Variants in LIPI observed in about 807,000 individuals in gnomAD.
LIPI encodes lipase I.
In LIPI, 59 loss-of-function variants were observed where a neutral mutation model predicts 50.6. The observed-to-expected ratio is 1.16, with a 90% confidence interval of 0.94 to 1.45. The LOEUF (loss-of-function observed/expected upper bound fraction) is 1.45. LIPI is among the 40% of genes most tolerant of loss of function. The probability of loss-of-function intolerance (pLI) is 0.00; values close to 1 mark genes in which losing one functional copy is unlikely to be tolerated. For missense variants in LIPI, 586 were observed against 536.3 expected, an observed-to-expected ratio of 1.09 and a Z score of -0.92; for synonymous variants, 203 against 178.2, an observed-to-expected ratio of 1.14 and a Z score of -1.11.
chr21:14,187,198 C>T (rs2019485586), intron 2 of LIPI, among the ~76,000 whole-genome samples: 1 of 152,138 alleles, frequency 6.6e-6, no homozygotes, highest in Non-Finnish European at 1.5e-5. Flanking sequence ...CTGAATACCT[C>T]TTAGTCTCAG....
At chr21:14,197,501 C>T (rs1233695841) in intron 1 of LIPI, among the ~76,000 whole-genome samples, 1 of 151,684 alleles carries the variant, frequency 6.6e-6, no homozygotes, top group African/African-American at 2.4e-5. Flanking sequence ...GCAGAATAGA[C>T]CAAGCAGAGG....
At chr21:14,146,904 G>A (rs1178865265) in intron 8 of LIPI, among the ~76,000 whole-genome samples, 5 of 149,026 alleles carry the variant, frequency 3.4e-5, no homozygotes, top group African/African-American at 7.4e-5. Flanking sequence ...TCAGCTTCCT[G>A]AGCAGCTGGG....
chr21:14,153,315 A>G (rs907384718), intron 7 of LIPI, among the ~76,000 whole-genome samples: 1 of 152,104 alleles, frequency 6.6e-6, no homozygotes, highest in Non-Finnish European at 1.5e-5. Context: ...CCCTTCTAGA[A>G]CAGAACGGAT....
At chr21:14,118,322 G>A (rs112114513) in intron 9 of LIPI, among the ~76,000 whole-genome samples, 2 of 152,108 alleles carry the variant, frequency 1.3e-5, no homozygotes, top group East Asian at 1.9e-4. Context: ...CTGAACACTC[G>A]GTTGTGACTC....
At chr21:14,150,000 A>G (rs2018034875) in intron 8 of LIPI, among the ~76,000 whole-genome samples, 1 of 152,168 alleles carries the variant, frequency 6.6e-6, no homozygotes, top group African/African-American at 2.4e-5. Context: ...GCAGTGCCCC[A>G]GTGGGAACTC....
intron 7 of LIPI, among the ~76,000 whole-genome samples, chr21:14,156,303 AAAGAGG>A (rs531352108): frequency 2.6e-4 from 40 of 152,026 alleles, no homozygotes; most frequent in African/African-American, 4.3e-4. Flanking sequence ...AGGGGCCTTA[AAAGAGG>A]AAGAGGAAGA....
At chr21:14,210,361 TTTTG>T (rs536322752) in intron 1 of LIPI, among the ~76,000 whole-genome samples, 167 of 152,256 alleles carry the variant, frequency 1.1e-3, no homozygotes, top group African/African-American at 3.7e-3. Flanking sequence ...TATCTGGTTA[TTTTG>T]TTTGTTTTGC....
At chr21:14,152,913 C>A in intron 7 of LIPI, among the ~76,000 whole-genome samples, 1 of 152,006 alleles carries the variant, frequency 6.6e-6, no homozygotes, top group Non-Finnish European at 1.5e-5. Flanking sequence ...AAAAAGCCTG[C>A]CAGCCAGTAA....
chr21:14,148,198 G>A (rs2017972105), intron 8 of LIPI, among the ~76,000 whole-genome samples: 1 of 152,130 alleles, frequency 6.6e-6, no homozygotes, highest in South Asian at 2.1e-4. Context: ...ACAAGAAGGA[G>A]GAAGGGGAAG....
intron 9 of LIPI, among the ~76,000 whole-genome samples, chr21:14,129,962 C>T (rs948716709): frequency 1.3e-5 from 2 of 152,100 alleles, no homozygotes; most frequent in African/African-American, 2.4e-5. Context: ...CACTTCTCAA[C>T]ATTTCTCTGA....
At chr21:14,129,993 G>A (rs2017226180) in intron 9 of LIPI, among the ~76,000 whole-genome samples, 1 of 152,018 alleles carries the variant, frequency 6.6e-6, no homozygotes, top group Non-Finnish European at 1.5e-5. Context: ...CATCATTTGA[G>A]GACCAAGGAA....
At chr21:14,185,178 T>G (rs1205487637) in intron 3 of LIPI, among the ~76,000 whole-genome samples, 1 of 152,200 alleles carries the variant, frequency 6.6e-6, no homozygotes, top group Non-Finnish European at 1.5e-5. Flanking sequence ...GCTTCCTGGA[T>G]GCAGTAACTT....
chr21:14,120,312 A>G (rs930095790), intron 9 of LIPI, among the ~76,000 whole-genome samples: 3 of 152,230 alleles, frequency 2.0e-5, no homozygotes, highest in Non-Finnish European at 4.4e-5. Flanking sequence ...CACAGAAGGC[A>G]GAATAGCTCT....
At chr21:14,116,343 T>G (rs1261936192) in intron 9 of LIPI, among the ~76,000 whole-genome samples, 4 of 152,054 alleles carry the variant, frequency 2.6e-5, no homozygotes, top group Non-Finnish European at 4.4e-5. Context: ...CCGACAGGAT[T>G]AGTTTCATAG....
intron 9 of LIPI, among the ~76,000 whole-genome samples, chr21:14,118,113 C>G (rs1029540817): frequency 6.6e-6 from 1 of 151,980 alleles, no homozygotes; most frequent in Non-Finnish European, 1.5e-5. Flanking sequence ...CAACCAGAGA[C>G]AGAATGACTG....
intron 9 of LIPI, among the ~76,000 whole-genome samples, chr21:14,135,526 A>G (rs374873617): frequency 2.0e-5 from 3 of 152,272 alleles, no homozygotes; most frequent in East Asian, 3.9e-4. Context: ...ATTGAGAGGC[A>G]TTGAATTCTG....
intron 4 of LIPI, among the ~76,000 whole-genome samples, chr21:14,172,734 G>C (rs1178244277): frequency 6.6e-6 from 1 of 151,418 alleles, no homozygotes; most frequent in Non-Finnish European, 1.5e-5. Flanking sequence ...GGGAAGGGGG[G>C]AGGGATAGCA....
At chr21:14,197,375 T>C (rs1355107169) in intron 1 of LIPI, among the ~76,000 whole-genome samples, 1 of 152,092 alleles carries the variant, frequency 6.6e-6, no homozygotes. Context: ...AAAATCATGA[T>C]AAAATGTTGC....
intron 7 of LIPI, among the ~76,000 whole-genome samples, chr21:14,162,967 CTCT>C (rs2018545958): frequency 1.3e-5 from 2 of 151,480 alleles, no homozygotes; most frequent in South Asian, 4.1e-4. Context: ...ATGAGATTCT[CTCT>C]TCTTCTACAA....
Sources: gnomAD v4.1 joint callset for allele counts (sites outside exome capture counted in the v4.1 genomes callset) on GRCh38, gnomAD v4.1.1 for gene constraint, MANE v1.5 for transcripts, NCBI Gene and HGNC (gene_info 2026-07-23, HGNC 2026-07-21) for gene names.